SOX6: variants seen among roughly 807,000 people sequenced by gnomAD.
The protein encoded by SOX6 is transcription factor SOX-6.
Under a neutral mutation model 97.8 loss-of-function variants are expected in SOX6, and 11 were observed. The observed-to-expected ratio is 0.11, with a 90% CI of 0.07 to 0.19. SOX6 has a LOEUF of 0.19. SOX6 is among the 10% of genes least tolerant of loss of function. The pLI is 1.00. For synonymous variants in SOX6, 360 were observed against 371.4 expected (o/e 0.97, Z 0.35); for missense variants, 810 against 1,039.5 (o/e 0.78, Z 3.04).
intron 3 of SOX6, among the ~76,000 whole-genome samples, chr11:16,695,270 A>G (rs1029386837): frequency 6.6e-6 from 1 of 152,252 alleles, no homozygotes; most frequent in Non-Finnish European, 1.5e-5. Flanking sequence ...TGAATTCTGC[A>G]TTTTATACTT....
intron 4 of SOX6, among the ~76,000 whole-genome samples, chr11:16,577,530 A>G (rs1174066426): frequency 1.3e-5 from 2 of 152,158 alleles, no homozygotes; most frequent in East Asian, 1.9e-4. Context: ...TTATATTCTC[A>G]TGAGCAATAT....
At chr11:16,418,544 G>GT (rs1284163940) in intron 1 of SOX6, among the ~76,000 whole-genome samples, 5 of 152,170 alleles carry the variant, frequency 3.3e-5, no homozygotes, top group Non-Finnish European at 7.4e-5. Context: ...ATGGGAAGAA[G>GT]TAACAAATGT....
At chr11:16,570,157 A>G (rs6486298) in intron 4 of SOX6, among the ~76,000 whole-genome samples, 4 of 151,906 alleles carry the variant, frequency 2.6e-5, no homozygotes, top group Non-Finnish European at 4.4e-5. Flanking sequence ...ATTCTTTCTC[A>G]TCTTGAAGGT....
At chr11:16,063,261 G>T (rs959373224) in intron 9 of SOX6, among the ~76,000 whole-genome samples, 6 of 150,888 alleles carry the variant, frequency 4.0e-5, no homozygotes, top group Non-Finnish European at 5.9e-5. Context: ...AGCCTGTTTA[G>T]ATTTAACCCA....
intron 4 of SOX6, among the ~76,000 whole-genome samples, chr11:16,546,938 T>C (rs1344809219): frequency 6.6e-6 from 1 of 152,000 alleles, no homozygotes; most frequent in Non-Finnish European, 1.5e-5. Context: ...CATTCAGAAG[T>C]GGGCAAAGGA....
At chr11:16,195,880 T>C (rs1851759739) in intron 4 of SOX6, among the ~76,000 whole-genome samples, 1 of 152,126 alleles carries the variant, frequency 6.6e-6, no homozygotes, top group South Asian at 2.1e-4. Flanking sequence ...GTGCAGTGTA[T>C]ATGTAGGCTG....
chr11:16,580,533 C>T (rs1848022687), intron 4 of SOX6, among the ~76,000 whole-genome samples: 1 of 152,150 alleles, frequency 6.6e-6, no homozygotes. Flanking sequence ...AAGACACACC[C>T]ACTTGTATGT....
At chr11:16,106,579 A>G (rs937937396) in intron 7 of SOX6, among the ~76,000 whole-genome samples, 5 of 152,062 alleles carry the variant, frequency 3.3e-5, no homozygotes, top group Non-Finnish European at 7.4e-5. Context: ...CTTACACAGT[A>G]TACAAAAATC....
chr11:16,332,284 T>A (rs954653881), intron 2 of SOX6, among the ~76,000 whole-genome samples: 17 of 152,080 alleles, frequency 1.1e-4, no homozygotes, highest in Non-Finnish European at 2.1e-4. Context: ...ATGCAAAAAA[T>A]TATTACTCAC....
At chr11:16,283,231 AAT>A in intron 3 of SOX6, among the ~76,000 whole-genome samples, 1 of 150,018 alleles carries the variant, frequency 6.7e-6, no homozygotes, top group East Asian at 1.9e-4. Flanking sequence ...AGATGACTCA[AAT>A]AGTATTCATG....
At chr11:16,713,477 T>C (rs1268862019) in intron 3 of SOX6, among the ~76,000 whole-genome samples, 1 of 152,154 alleles carries the variant, frequency 6.6e-6, no homozygotes, top group East Asian at 1.9e-4. Flanking sequence ...CATGTGCTAT[T>C]GTGGAAACAA....
intron 9 of SOX6, among the ~76,000 whole-genome samples, chr11:16,073,021 T>C (rs1039038206): frequency 5.3e-5 from 8 of 152,136 alleles, no homozygotes; most frequent in Non-Finnish European, 1.2e-4. Context: ...AGTGACAGTA[T>C]AAAGCAACCA....
chr11:16,027,750 T>C (rs1855251606), intron 12 of SOX6, among the ~76,000 whole-genome samples: 1 of 152,208 alleles, frequency 6.6e-6, no homozygotes, highest in South Asian at 2.1e-4. Context: ...ACGTGCTGCA[T>C]ATGAGAGAGG....
intron 7 of SOX6, among the ~76,000 whole-genome samples, chr11:16,109,655 T>A (rs1382482882): frequency 6.6e-6 from 1 of 152,210 alleles, no homozygotes; most frequent in Non-Finnish European, 1.5e-5. Context: ...CTTCTGAGGA[T>A]GTAATTTCTC....
chr11:16,569,710 T>C (rs1310482199), intron 4 of SOX6, among the ~76,000 whole-genome samples: 2 of 151,280 alleles, frequency 1.3e-5, no homozygotes, highest in Non-Finnish European at 2.9e-5. Context: ...CTACTAAAAA[T>C]ACAAAAAAAT....
At chr11:15,987,721 G>GAA (rs5789929) in intron 14 of SOX6, among the ~76,000 whole-genome samples, 44 of 136,566 alleles carry the variant, frequency 3.2e-4, no homozygotes, top group East Asian at 1.9e-3. Flanking sequence ...CATTTAACTA[G>GAA]AAAAAAAAAA....
At chr11:16,415,241 A>C (rs1858902841) in intron 1 of SOX6, among the ~76,000 whole-genome samples, 1 of 152,142 alleles carries the variant, frequency 6.6e-6, no homozygotes, top group Non-Finnish European at 1.5e-5. Flanking sequence ...TTTTGTTACC[A>C]AAAATAAAAT....
chr11:16,112,278 TG>T (rs1476244406), intron 6 of SOX6, among the ~76,000 whole-genome samples: 1 of 152,240 alleles, frequency 6.6e-6, no homozygotes, highest in Non-Finnish European at 1.5e-5. Context: ...TGAGAGGTTT[TG>T]CCCTTTCACC....
chr11:16,409,757 A>C lies in SOX6; in HGVS notation c.-5+66558T>G, dbSNP rs535216578. On this transcript the variant is annotated intron_variant, in intron 1 of 15. Coordinates refer to the SOX6 transcript ENST00000396356. ...AATGGATAGAAGACAAAACCTACCA[A>C]AAACTATATAGTTATTGGTAAAATT... Among the ~76,000 whole-genome samples, 44 of 152,266 alleles carry C rather than the reference A, an allele frequency of 2.9e-4. 1 individual carries two copies. In the South Asian group the frequency reaches 5.6e-3, roughly 19 times the overall value.
Sources: gnomAD v4.1 joint callset for allele counts (sites outside exome capture counted in the v4.1 genomes callset) on GRCh38, gnomAD v4.1.1 for gene constraint, MANE v1.5 for transcripts, NCBI Gene and HGNC (gene_info 2026-07-23, HGNC 2026-07-21) for gene names.